The following BCAR3 variants were observed in gnomAD, a reference collection of about 807,000 sequenced individuals.
BCAR3 encodes BCAR3 adaptor protein, NSP family member, also known as breast cancer anti-estrogen resistance protein 3.
Under a neutral mutation model 80.1 loss-of-function variants are expected in BCAR3, and 37 were observed. That is an observed-to-expected ratio of 0.46 (90% CI 0.36 to 0.61). The LOEUF (loss-of-function observed/expected upper bound fraction) is 0.61, where lower values mean the gene tolerates loss of function less well. Ranked by LOEUF, BCAR3 falls within the 20% of genes least tolerant of loss-of-function variation. The pLI is 0.00. For missense variants in BCAR3, 978 were observed against 1,068.2 expected, an observed-to-expected ratio of 0.92 and a Z score of 1.18; for synonymous variants, 389 against 418.9, an observed-to-expected ratio of 0.93 and a Z score of 0.87.
At chr1:93,638,529 T>A (rs1473760464) in intron 3 of BCAR3, among the ~76,000 whole-genome samples, 1 of 152,188 alleles carries the variant, frequency 6.6e-6, no homozygotes, top group African/African-American at 2.4e-5. Flanking sequence ...AAAATTCTAC[T>A]TCATAATTTT....
intron 2 of BCAR3, among the ~76,000 whole-genome samples, chr1:93,833,514 T>C (rs555045633): frequency 6.6e-6 from 1 of 152,290 alleles, no homozygotes; most frequent in South Asian, 2.1e-4. Flanking sequence ...ATTTCATCCC[T>C]TATCTACAAC....
At chr1:93,729,141 G>T (rs1650698119) in intron 2 of BCAR3, among the ~76,000 whole-genome samples, 1 of 152,182 alleles carries the variant, frequency 6.6e-6, no homozygotes, top group Non-Finnish European at 1.5e-5. Context: ...GTTTATTGGG[G>T]AATGCTCTCG....
chr1:93,590,063 A>C (rs1195327271), intron 4 of BCAR3, among the ~76,000 whole-genome samples: 1 of 152,178 alleles, frequency 6.6e-6, no homozygotes, highest in Admixed American at 6.5e-5. Context: ...AGGAGTCCAC[A>C]TGCAGGACTG....
intron 2 of BCAR3, among the ~76,000 whole-genome samples, chr1:93,732,451 C>CA (rs1017869143): frequency 3.3e-5 from 5 of 151,930 alleles, no homozygotes; most frequent in African/African-American, 1.2e-4. Context: ...CCTGTCTCTA[C>CA]AAAAAATACA....
chr1:93,764,919 A>G (rs1057481608), intron 2 of BCAR3, among the ~76,000 whole-genome samples: 5 of 152,260 alleles, frequency 3.3e-5, no homozygotes, highest in African/African-American at 1.2e-4. Flanking sequence ...TCCTAGGGGA[A>G]GGTGTCCGCC....
chr1:93,816,393 G>T (rs535446591), intron 2 of BCAR3, among the ~76,000 whole-genome samples: 7 of 152,054 alleles, frequency 4.6e-5, no homozygotes, highest in South Asian at 2.1e-4. Flanking sequence ...AAAACTCTGG[G>T]CTGGGCGCAG....
chr1:93,845,502 A>ATATATATGTTGTCAAG, intron 2 of BCAR3: 7 of 113,818 alleles, frequency 6.2e-5, no homozygotes, highest in South Asian at 2.7e-4. Flanking sequence ...ATATATATAT[A>ATATATATGTTGTCAAG]AAACTTTGTT....
chr1:93,670,443 A>G (rs1018681874), intron 2 of BCAR3, among the ~76,000 whole-genome samples: 1 of 152,220 alleles, frequency 6.6e-6, no homozygotes. Flanking sequence ...AGGTGTCCAA[A>G]GCACTGAATA....
At chr1:93,784,897 G>A (rs924417886) in intron 2 of BCAR3, among the ~76,000 whole-genome samples, 2 of 152,198 alleles carry the variant, frequency 1.3e-5, no homozygotes, top group Non-Finnish European at 2.9e-5. Context: ...CTCCCTGTAT[G>A]AGCTTCCCTT....
chr1:93,602,815 C>T (rs112271140), intron 3 of BCAR3, among the ~76,000 whole-genome samples: 180 of 152,316 alleles, frequency 1.2e-3, no homozygotes, highest in African/African-American at 4.2e-3. Flanking sequence ...TCCAGTTCTC[C>T]ACAAGTTTGA....
chr1:93,734,656 G>T (rs1047998698), intron 2 of BCAR3, among the ~76,000 whole-genome samples: 2 of 152,114 alleles, frequency 1.3e-5, no homozygotes, highest in Non-Finnish European at 2.9e-5. Flanking sequence ...GGCGGGGAGG[G>T]CCCCAGCAAC....
chr1:93,757,106 G>C lies in BCAR3; in HGVS notation c.-62-50964C>G, dbSNP rs150128443. Among the ~76,000 whole-genome samples the C allele has an allele frequency of 6.0e-3, 909 of 152,300 alleles. 8 individuals carry two copies. The highest frequency in any genetic ancestry group is 7.8e-3 in the Non-Finnish European group (528 of 68,024). On this transcript the variant is annotated intron_variant, in intron 2 of 13. Transcript: ENST00000370244. Reference sequence around the variant, plus strand: ...GCCGGTTGGGGTCTGTTCTGGGTCTGATGGGCAGGTTAGTGTGTTTTAGCC... The same window carrying C: ...GCCGGTTGGGGTCTGTTCTGGGTCTCATGGGCAGGTTAGTGTGTTTTAGCC...
At chr1:93,573,620 TATTA>T (rs1673320110) in intron 8 of BCAR3, among the ~76,000 whole-genome samples, 1 of 141,534 alleles carries the variant, frequency 7.1e-6, no homozygotes, top group African/African-American at 2.8e-5. Context: ...TTATTATTAT[TATTA>T]TTATTATTAT....
At chr1:93,588,414 T>TCG (rs1674032472) in intron 5 of BCAR3, among the ~76,000 whole-genome samples, 1 of 152,068 alleles carries the variant, frequency 6.6e-6, no homozygotes, top group African/African-American at 2.4e-5. Context: ...GTCTCTCTCC[T>TCG]CACCCCCGGT....
chr1:93,563,711 GAGA>G (rs1557831325), intron 11 of BCAR3, among the ~76,000 whole-genome samples: 2 of 151,814 alleles, frequency 1.3e-5, no homozygotes, highest in East Asian at 1.9e-4. Context: ...TTATTTTTTT[GAGA>G]AGGAGTCTCG....
intron 3 of BCAR3, among the ~76,000 whole-genome samples, chr1:93,604,898 T>C (rs955923078): frequency 2.6e-5 from 4 of 152,200 alleles, no homozygotes; most frequent in Admixed American, 1.3e-4. Context: ...CACTGTAACG[T>C]CTCTCTCCAT....
chr1:93,715,520 C>T (rs1650164639), intron 2 of BCAR3, among the ~76,000 whole-genome samples: 1 of 152,144 alleles, frequency 6.6e-6, no homozygotes. Context: ...ACTGAACATG[C>T]CTGGTTCTAA....
intron 2 of BCAR3, among the ~76,000 whole-genome samples, chr1:93,767,574 G>C (rs1184404592): frequency 6.6e-6 from 1 of 151,266 alleles, no homozygotes; most frequent in South Asian, 2.1e-4. Flanking sequence ...CCACATAAAT[G>C]TATTACACCT....
Position 93,845,502 on chromosome 1 carries a change from A to AATGTTGTCAAG in BCAR3, c.-63+64_-63+65insCTTGACAACAT, listed in dbSNP as rs1553176588. The AATGTTGTCAAG allele has an allele frequency of 2.5e-4, 29 of 113,826 alleles. 3 individuals carry two copies. The highest frequency in any genetic ancestry group is 9.5e-4 in the African/African-American group (27 of 28,410). The allele number at this position is 113,826 out of a possible 1,614,324, so 7.1% of individuals were successfully genotyped here. A position where few individuals can be genotyped will look rare whatever the true frequency, so the allele number is the denominator to read the frequency against. On this transcript the variant is annotated intron_variant, in intron 2 of 13. Coordinates refer to the BCAR3 transcript ENST00000370244. ...TATATATATATATATATATATATAT[A>AATGTTGTCAAG]AAACTTTGTTTACATTAGAGTATAA... is the stretch of plus-strand genomic sequence containing the variant.
Sources: allele counts gnomAD v4.1 joint callset (sites outside exome capture counted in the v4.1 genomes callset), GRCh38; gene constraint gnomAD v4.1.1; transcripts MANE v1.5; gene names NCBI Gene and HGNC (gene_info 2026-07-23, HGNC 2026-07-21).